POLQ: variants seen among roughly 807,000 people sequenced by gnomAD.
POLQ encodes the protein epididymis secretory sperm binding protein.
POLQ carries 233 observed loss-of-function variants against 259.2 expected under a neutral mutation model. That is an observed-to-expected ratio of 0.90 (90% CI 0.81 to 1.00). The LOEUF is 1.00. POLQ is among the 50% of genes least tolerant of loss of function. POLQ has a pLI of 0.00. For synonymous variants in POLQ, 1,025 were observed against 1,048.8 expected, an observed-to-expected ratio of 0.98 and a Z score of 0.44; for missense variants, 2,871 against 3,051.6, an observed-to-expected ratio of 0.94 and a Z score of 1.39.
At chr3:121,466,639 G>A (rs1414904856) in intron 24 of POLQ, among the ~76,000 whole-genome samples, 1 of 149,102 alleles carries the variant, frequency 6.7e-6, no homozygotes, top group Non-Finnish European at 1.5e-5. Context: ...GCGCTGAGCC[G>A]AGATCACGCC....
rs535707783 is a variant in POLQ at position 121,444,100 on chromosome 3, T to TTTC, written c.7265-3985_7265-3984insGAA. Among the ~76,000 whole-genome samples, 314 of 148,214 alleles carry TTTC rather than the reference T, an allele frequency of 2.1e-3. 4 individuals are homozygous for TTTC. The highest frequency in any genetic ancestry group is 3.5e-3 in the Middle Eastern group (1 of 286). On this transcript the variant is annotated intron_variant, in intron 26 of 29. Coordinates refer to ENST00000264233, the MANE Select transcript of POLQ (RefSeq NM_199420.4). ...TGTGGTTCCATGTAAATTGTAGTAC[T>TTTC]TTTTTTTTTTCTATTTCTGTGAAGA...
At position 121,487,952 on chromosome 3, in the gene POLQ, G is replaced by A; in HGVS notation, c.4979C>T (p.Ser1660Leu). Residue 1660 changes from serine (S) to leucine (L), a missense_variant, in exon 16 of 30, where the codon TCA becomes TTA. Coordinates refer to ENST00000264233, the MANE Select transcript of POLQ (RefSeq NM_199420.4). Reference sequence around the variant, plus strand: ...CAAACTGGAAAAGTTTATAGTCATTGATTTTAGCTTTTCATTTTCTAGAGG... The same window carrying A: ...CAAACTGGAAAAGTTTATAGTCATTAATTTTAGCTTTTCATTTTCTAGAGG... Reference protein sequence around the residue: ...SSPLENEKLKSMTINFSSLNR... With the variant: ...SSPLENEKLKLMTINFSSLNR... The A allele has an allele frequency of 6.2e-7, 1 of 1,604,222 alleles. No individual in the cohort carries two copies. Among genetic ancestry groups the A allele is most frequent in the East Asian group, 2.2e-5 (1 of 44,818 alleles).
At chr3:121,470,891 T>C (rs1316209069) in intron 22 of POLQ, among the ~76,000 whole-genome samples, 2 of 152,172 alleles carry the variant, frequency 1.3e-5, no homozygotes, top group Non-Finnish European at 2.9e-5. Flanking sequence ...CATCTTGGCC[T>C]CCCAAAGTGC....
intron 2 of POLQ, 147 bp from the exon 3 acceptor site, chr3:121,541,626 C>T: frequency 3.1e-6 from 2 of 636,304 alleles, no homozygotes; most frequent in South Asian, 4.8e-5. Flanking sequence ...TCTTTATACC[C>T]TGAAATGCCC....
chr3:121,493,805 T>C, intron 14 of POLQ, 84 bp from the exon 15 acceptor site: 2 of 1,351,086 alleles, frequency 1.5e-6, no homozygotes, highest in Non-Finnish European at 2.0e-6. Context: ...TATATTTTCT[T>C]TTGTTTTTTC....
rs555870584 is a variant in POLQ, at chr3:121,452,805, G to A, written c.7153-3379C>T. Among the ~76,000 whole-genome samples the A allele has an allele frequency of 9.0e-4, 137 of 152,258 alleles. 1 individual carries two copies. Among genetic ancestry groups the A allele is most frequent in the Non-Finnish European group, 3.2e-4 (22 of 68,014 alleles). ...TGTCTCTGTAGGCTCCACCTCTGGGGGCAGGGCACAGAAAAACAAAAAGAC... is the reference window on the plus strand; with the variant it reads ...TGTCTCTGTAGGCTCCACCTCTGGGAGCAGGGCACAGAAAAACAAAAAGAC... On this transcript the variant is annotated intron_variant, in intron 25 of 29. Transcript: ENST00000264233.
At position 121,481,611 on chromosome 3, in the gene POLQ, T is replaced by G. The variant is rs753786198; in HGVS notation, c.6172A>C (p.Asn2058His). The G allele has an allele frequency of 9.3e-6, 15 of 1,612,510 alleles. No homozygotes were observed. In the South Asian group the frequency reaches 1.5e-4, roughly 17 times the overall value. ...TTCTGCAACAAAGAGTTGAGCTGAT[T>G]CATAGAGTTGAAGATGAGAATGGAC... is the stretch of plus-strand genomic sequence containing the variant. ...VESILIFNSM[N>H]QLNSLLQKEN... The change falls in exon 19 of 30, where the codon AAT becomes CAT. Residue 2058 changes from asparagine to histidine, a missense_variant. This residue lies in a region of POLQ where 2,080 missense variants were observed against 2,126.0 expected (regional missense o/e 0.98). Coordinates refer to ENST00000264233, the MANE Select transcript of POLQ (RefSeq NM_199420.4).
At chr3:121,480,049 A>T (rs2047958490) in intron 19 of POLQ, among the ~76,000 whole-genome samples, 1 of 152,016 alleles carries the variant, frequency 6.6e-6, no homozygotes, top group South Asian at 2.1e-4. Flanking sequence ...GACGTAAAAA[A>T]GAGAGACTTA....
In POLQ at chr3:121,449,299, C is replaced by A. The variant is rs1399437072; in HGVS notation, c.7264+16G>T. ...GTAAGATGGTTGAAAAGAATACTAT[C>A]TAGAAGATAAATTACCTGTGTATCT... On this transcript the variant is annotated intron_variant, in intron 26 of 29. Transcript: ENST00000264233. 6.7e-6 allele frequency: 8 copies of A among 1,198,798 alleles called. No individual in the cohort carries two copies. The South Asian group carries it at 9.8e-5, about 15-fold the overall frequency. The allele number at this position is 1,198,798 out of a possible 1,614,324, so 74.3% of individuals were successfully genotyped here. A position where few individuals can be genotyped will look rare whatever the true frequency, so the allele number is the denominator to read the frequency against.
At position 121,489,541 on chromosome 3, in the gene POLQ, A is replaced by C; in HGVS notation, c.3390T>G (p.Asn1130Lys). ...TGACAATATGCTCCACAAAATTATC[A>C]TTAGTTAGTGTTATGTTCCATGAAC... is the stretch of plus-strand genomic sequence containing the variant. ...QNCSWNITLT[N>K]DNFVEHIVTG... Residue 1130 changes from asparagine (N) to lysine (K), a missense_variant, in exon 16 of 30, where the codon AAT (asparagine) becomes AAG (lysine). Asn to Lys is a moderately conservative substitution (Grantham distance 94). This residue lies in a region of POLQ where 2,080 missense variants were observed against 2,126.0 expected (regional missense o/e 0.98). Coordinates refer to ENST00000264233, the MANE Select transcript of POLQ (RefSeq NM_199420.4). The C allele has an allele frequency of 1.2e-6, 2 of 1,613,420 alleles. No homozygotes were observed.
At chr3:121,449,108 T>A (rs774537526) in intron 26 of POLQ, among the ~76,000 whole-genome samples, 9 of 152,234 alleles carry the variant, frequency 5.9e-5, no homozygotes, top group Non-Finnish European at 8.8e-5. Flanking sequence ...TACATTTTAC[T>A]ATTCTGTTCC....
chr3:121,542,427 A>C (rs2048497231), intron 2 of POLQ, among the ~76,000 whole-genome samples: 1 of 152,176 alleles, frequency 6.6e-6, no homozygotes, highest in Non-Finnish European at 1.5e-5. Flanking sequence ...AAGGAATGCC[A>C]TGCCTAAGAA....
At chr3:121,495,719 G>A (rs1218745547) in intron 14 of POLQ, among the ~76,000 whole-genome samples, 1 of 151,070 alleles carries the variant, frequency 6.6e-6, no homozygotes, top group Non-Finnish European at 1.5e-5. Context: ...CGTGGTGCCG[G>A]GCACCTGTAG....
chr3:121,524,200 G>A lies in POLQ; in HGVS notation c.1109-2051C>T, dbSNP rs116681735. On this transcript the variant is annotated intron_variant, in intron 7 of 29. Coordinates refer to ENST00000264233, the MANE Select transcript of POLQ (RefSeq NM_199420.4). ...ATAAATGGCCATGGTAAAATGTAAG[G>A]AAATAAGCTAACCCGGTGTAGAAGG... Among the ~76,000 whole-genome samples the A allele has an allele frequency of 4.4e-3, 668 of 152,244 alleles. 5 individuals are homozygous for A. Among genetic ancestry groups the A allele is most frequent in the African/African-American group, 0.015 (641 of 41,544 alleles).
chr3:121,456,515 C>G (rs576340048), intron 25 of POLQ, among the ~76,000 whole-genome samples: 2 of 152,282 alleles, frequency 1.3e-5, no homozygotes, highest in East Asian at 3.9e-4. Context: ...TCCTTAAGCT[C>G]ATGAGCAACT....
chr3:121,483,350 G>C (rs2047984918), intron 18 of POLQ, 36 bp downstream of exon 18: 1 of 1,201,608 alleles, frequency 8.3e-7, no homozygotes, highest in Non-Finnish European at 1.1e-6. Flanking sequence ...TAAAAATGTT[G>C]TTTTAAGTAT....
chr3:121,436,344 C>CACAGTTCAGTGCTCACATTT, intron 27 of POLQ, 69 bp from the exon 28 acceptor site: 3 of 1,502,930 alleles, frequency 2.0e-6, no homozygotes, highest in Admixed American at 3.4e-5. Flanking sequence ...CTTTAGTGTC[C>CACAGTTCAGTGCTCACATTT]ACAGTTCAGT....
chr3:121,488,537 T>C lies in POLQ; in HGVS notation c.4394A>G (p.Lys1465Arg). ...TCCTTCTACACCAGTGGGAGTTCTC[T>C]TTTGAGGAATCAGAAGTATAACTGG... Reference protein sequence around the residue: ...VKPVILLIPQKRTPTGVEGEC... With the variant: ...VKPVILLIPQRRTPTGVEGEC... Residue 1465 changes from lysine (K) to arginine (R), a missense_variant, in exon 16 of 30, where the codon AAG (lysine) becomes AGG (arginine). Physicochemically the swap from Lys to Arg is conservative, Grantham distance 26 (BLOSUM62 2). Around this residue, in one of 3 missense-constraint regions of POLQ, gnomAD observed 2,080 missense variants for 2,126.0 expected, o/e 0.98. Coordinates refer to ENST00000264233, the MANE Select transcript of POLQ (RefSeq NM_199420.4). 6.2e-7 allele frequency: 1 copy of C among 1,611,732 alleles called. No individual in the cohort carries two copies. The highest frequency in any genetic ancestry group is 8.5e-7 in the Non-Finnish European group (1 of 1,179,390).
chr3:121,544,986 G>C, intron 1 of POLQ, 80 bp from the exon 2 acceptor site: 1 of 815,216 alleles, frequency 1.2e-6, no homozygotes, highest in South Asian at 2.0e-5. Context: ...CCGTGTGTTG[G>C]AATTCCTATG....
Sources: gnomAD v4.1 joint callset for allele counts (sites outside exome capture counted in the v4.1 genomes callset) on GRCh38, gnomAD v4.1.1 for gene constraint, gnomAD v4.1.1 regional missense constraint, MANE v1.5 for transcripts, NCBI Gene and HGNC (gene_info 2026-07-23, HGNC 2026-07-21) for gene names.